The following TAGAP variants were observed in gnomAD, a reference collection of about 807,000 sequenced individuals.
TAGAP encodes the protein T cell activation RhoGTPase activating protein, also known as T-cell activation Rho GTPase-activating protein.
In TAGAP, 16 loss-of-function variants were observed where a neutral mutation model predicts 36.0. That is an observed-to-expected ratio of 0.44 (90% confidence interval 0.30 to 0.68). The LOEUF (loss-of-function observed/expected upper bound fraction) is 0.68, where lower values mean the gene tolerates loss of function less well. Ranked by LOEUF, TAGAP falls within the 30% of genes least tolerant of loss-of-function variation. TAGAP has a pLI of 0.09. For synonymous variants in TAGAP, 372 were observed against 377.4 expected (o/e 0.99, Z 0.17); for missense variants, 794 against 921.5 (o/e 0.86, Z 1.79).
In TAGAP at chr6:159,039,270, G is replaced by A. The variant is rs775936473; in HGVS notation, c.627C>T (p.Leu209=). The part of the protein sequence containing the change: ...DKLPRPNLLL[L]KHLVYVLHLI... ...GGTGCAGCACATAGACCAAGTGCTT[G>A]AGTAGCAGGAGGTTGGGCCGGGGGA... Residue 209 remains leucine, a synonymous_variant, in exon 8 of 10, where the codon CTC becomes CTT. Coordinates refer to ENST00000367066, the MANE Select transcript of TAGAP (RefSeq NM_054114.5). 3.7e-6 allele frequency: 6 copies of A among 1,613,824 alleles called. No individual in the cohort carries two copies. The highest frequency in any genetic ancestry group is 3.3e-5 in the Admixed American group (2 of 60,034).
In TAGAP at chr6:159,035,050, A is replaced by G. The variant is rs1278314629; in HGVS notation, c.*777T>C. 1 of 152,372 alleles carries G rather than the reference A, an allele frequency of 6.6e-6. No individual in the cohort carries two copies. The highest frequency in any genetic ancestry group is 1.9e-4 in the East Asian group (1 of 5,344). 9.4% of individuals were successfully genotyped at this position (152,372 alleles called of 1,614,324 possible). A position where few individuals can be genotyped will look rare whatever the true frequency, so the allele number is the denominator to read the frequency against. On this transcript the variant is annotated 3_prime_UTR_variant, in exon 10 of 10. Coordinates refer to ENST00000367066, the MANE Select transcript of TAGAP (RefSeq NM_054114.5). Reference sequence around the variant, plus strand: ...TAGTGAAATTACATTGAAGTTTTATATATGACCCCCAATGCATATAAAATC... The same window carrying G: ...TAGTGAAATTACATTGAAGTTTTATGTATGACCCCCAATGCATATAAAATC...
At chr6:159,040,369 C>G (rs952455585) in intron 7 of TAGAP, among the ~76,000 whole-genome samples, 4 of 152,160 alleles carry the variant, frequency 2.6e-5, no homozygotes, top group African/African-American at 9.7e-5. Context: ...TAAAGATAAT[C>G]CCGAATTTCT....
chr6:159,044,172 G>T lies in TAGAP; in HGVS notation c.-26C>A, dbSNP rs760824468. The T allele has an allele frequency of 1.5e-5, 24 of 1,609,818 alleles. No individual in the cohort carries two copies. Among genetic ancestry groups the T allele is most frequent in the Non-Finnish European group, 1.8e-5 (21 of 1,179,048 alleles). On this transcript the variant is annotated 5_prime_UTR_variant, in exon 2 of 10. Transcript: ENST00000367066. ...CAGTATTGCGGCTGACTGTCCAGGGGTGGATTTCACTCCCGTGTGGCTGTG... is the reference window on the plus strand; with the variant it reads ...CAGTATTGCGGCTGACTGTCCAGGGTTGGATTTCACTCCCGTGTGGCTGTG...
intron 5 of TAGAP, 70 bp downstream of exon 5, chr6:159,042,008 T>G: frequency 6.6e-7 from 1 of 1,516,006 alleles, no homozygotes; most frequent in Non-Finnish European, 9.0e-7. Flanking sequence ...AGAATGACAT[T>G]CAGATTTCCC....
Position 159,036,737 on chromosome 6 carries a change from G to T in TAGAP, c.1286C>A (p.Ala429Glu), listed in dbSNP as rs1305542871. ...CGGCCTCTTGGTTTTGCCTTGCACT[G>T]CAGGGAAGACCTCCTCTGGAAATGG... ...EDPFPEEVFPAVQGKTKRPVD... is the reference protein window; with the variant it reads ...EDPFPEEVFPEVQGKTKRPVD... The change falls in exon 10 of 10, where the codon GCA (alanine) becomes GAA (glutamate). Residue 429 changes from alanine (A) to glutamate (E), a missense_variant. Coordinates refer to ENST00000367066, the MANE Select transcript of TAGAP (RefSeq NM_054114.5). The surrounding 1 kb of genome is among the most constrained non-coding windows in gnomAD (Gnocchi z 4.9). The T allele has an allele frequency of 1.2e-6, 2 of 1,614,188 alleles. No homozygotes were observed. The highest frequency in any genetic ancestry group is 2.2e-5 in the East Asian group (1 of 44,876).
Position 159,036,885 on chromosome 6 carries a change from T to C in TAGAP, c.1138A>G (p.Ser380Gly). 1 of 1,614,226 alleles carries C rather than the reference T, an allele frequency of 6.2e-7. No individual in the cohort carries two copies. The change falls in exon 10 of 10, where the codon AGC (serine) becomes GGC (glycine). Residue 380 changes from serine (S) to glycine (G), a missense_variant. By Grantham distance (56) the Ser-to-Gly change is moderately conservative (BLOSUM62 0). Transcript: ENST00000367066. This position sits in a 1 kb window ranked among gnomAD's most constrained non-coding sequence, Gnocchi z 4.9. Reference sequence around the variant, plus strand: ...AGGCACTCCTGGGAGGATGGCATGCTGGGCTCTGAGTATCTCCTATCGGGC... The same window carrying C: ...AGGCACTCCTGGGAGGATGGCATGCCGGGCTCTGAGTATCTCCTATCGGGC... ...AQPDRRYSEPSMPSSQECLES... is the reference protein window; with the variant it reads ...AQPDRRYSEPGMPSSQECLES...
Position 159,035,993 on chromosome 6 carries a change from C to T in TAGAP, c.2030G>A (p.Gly677Glu). 6.2e-7 allele frequency: 1 copy of T among 1,614,002 alleles called. No individual in the cohort carries two copies. Among genetic ancestry groups the T allele is most frequent in the Non-Finnish European group, 8.5e-7 (1 of 1,179,888 alleles). Residue 677 changes from glycine (G) to glutamate (E), a missense_variant, in exon 10 of 10, where the codon GGG becomes GAG. Physicochemically the swap from Gly to Glu is moderately conservative, Grantham distance 98 (BLOSUM62 -2). Coordinates refer to ENST00000367066, the MANE Select transcript of TAGAP (RefSeq NM_054114.5). ...WKQSRTVHAS[G>E]DSLGHVSGPG... is the part of the protein sequence containing the mutation. Reference sequence around the variant, plus strand: ...GCCAGACACGTGCCCCAGAGAGTCCCCAGAAGCATGGACAGTTCTGCTCTG... The same window carrying T: ...GCCAGACACGTGCCCCAGAGAGTCCTCAGAAGCATGGACAGTTCTGCTCTG...
chr6:159,042,464 T>C, intron 4 of TAGAP: 2 of 960,176 alleles, frequency 2.1e-6, no homozygotes, highest in South Asian at 2.2e-5. Context: ...ACCAGTTCCC[T>C]AAACAGCAAC....
chr6:159,036,899 C>T lies in TAGAP; in HGVS notation c.1124G>A (p.Arg375Lys), dbSNP rs1410586126. 6.2e-7 allele frequency: 1 copy of T among 1,614,218 alleles called. No homozygotes were observed. Among genetic ancestry groups the T allele is most frequent in the South Asian group, 1.1e-5 (1 of 91,086 alleles). The change falls in exon 10 of 10, where the codon AGA (arginine) becomes AAA (lysine). Residue 375 changes from arginine to lysine, a missense_variant. Coordinates refer to ENST00000367066, the MANE Select transcript of TAGAP (RefSeq NM_054114.5). This position sits in a 1 kb window ranked among gnomAD's most constrained non-coding sequence, Gnocchi z 4.9. ...LKSSLAQPDR[R>K]YSEPSMPSSQ... ...GGATGGCATGCTGGGCTCTGAGTAT[C>T]TCCTATCGGGCTGTGCGAGGGAGCT... is the stretch of plus-strand genomic sequence containing the variant.
At chr6:159,043,357 A>G (rs569276524) in intron 4 of TAGAP, among the ~76,000 whole-genome samples, 1 of 152,344 alleles carries the variant, frequency 6.6e-6, no homozygotes, top group Non-Finnish European at 1.5e-5. Flanking sequence ...ACCGCATTAA[A>G]AACGCTTGGC....
chr6:159,036,968 T>C lies in TAGAP; in HGVS notation c.1055A>G (p.Glu352Gly). The C allele has an allele frequency of 6.2e-7, 1 of 1,613,744 alleles. No homozygotes were observed. Among genetic ancestry groups the C allele is most frequent in the South Asian group, 1.1e-5 (1 of 91,062 alleles). Residue 352 changes from glutamate (E) to glycine (G), a missense_variant, in exon 10 of 10, where the codon GAG becomes GGG. Coordinates refer to ENST00000367066, the MANE Select transcript of TAGAP (RefSeq NM_054114.5). The surrounding 1 kb of genome is among the most constrained non-coding windows in gnomAD (Gnocchi z 4.9). ...LDSAGPQDAR[E>G]VSPEPIVSTV... ...GCTCACAATGGGCTCTGGGCTGACCTCTCGGGCATCCTGTGGGCCCGCGCT... is the reference window on the plus strand; with the variant it reads ...GCTCACAATGGGCTCTGGGCTGACCCCTCGGGCATCCTGTGGGCCCGCGCT...
chr6:159,039,946 C>T (rs2235821), intron 7 of TAGAP, among the ~76,000 whole-genome samples: 20,494 of 152,152 alleles, frequency 0.13, 1,964 homozygotes, highest in East Asian at 0.41. Flanking sequence ...ATAAAAATGC[C>T]TTATGTCTAG....
chr6:159,038,633 G>A (rs914742743), intron 8 of TAGAP, among the ~76,000 whole-genome samples: 3 of 151,892 alleles, frequency 2.0e-5, no homozygotes, highest in East Asian at 1.9e-4. Flanking sequence ...CAGGCAATTC[G>A]CCTGCCTCGG....
Position 159,039,321 on chromosome 6 carries a change from T to G in TAGAP, c.588-12A>C, listed in dbSNP as rs1359181316. 2.5e-6 allele frequency: 4 copies of G among 1,608,274 alleles called. No individual in the cohort carries two copies. The highest frequency in any genetic ancestry group is 3.4e-6 in the Non-Finnish European group (4 of 1,176,536). On this transcript the variant is annotated splice_polypyrimidine_tract_variant and intron_variant, in intron 7 of 9. Coordinates refer to ENST00000367066, the MANE Select transcript of TAGAP (RefSeq NM_054114.5). ...GCTTATCTGCAACCCTGGAATAAAG[T>G]GAAGGGATGTTAGTTTTCAAAAAGG...
At position 159,036,214 on chromosome 6, in the gene TAGAP, C is replaced by T. The variant is rs201417657; in HGVS notation, c.1809G>A (p.Pro603=). The T allele has an allele frequency of 2.5e-6, 4 of 1,610,658 alleles. No homozygotes were observed. Among genetic ancestry groups the T allele is most frequent in the East Asian group, 2.2e-5 (1 of 44,798 alleles). The change falls in exon 10 of 10, where the codon CCG becomes CCA. Residue 603 remains proline, a synonymous_variant. Coordinates refer to ENST00000367066, the MANE Select transcript of TAGAP (RefSeq NM_054114.5). The surrounding 1 kb of genome is among the most constrained non-coding windows in gnomAD (Gnocchi z 4.9). ...PPSYEEAMQG[P]AARLVASESQ... is the part of the protein sequence containing the mutation. Reference sequence around the variant, plus strand: ...TCTCGGAGGCCACTAGTCTGGCTGCCGGGCCCTGCATGGCCTCTTCATAAG... The same window carrying T: ...TCTCGGAGGCCACTAGTCTGGCTGCTGGGCCCTGCATGGCCTCTTCATAAG...
Position 159,043,832 on chromosome 6 carries a change from C to A in TAGAP, c.81+146G>T, listed in dbSNP as rs1308970171. ...GGTCTTGATTGTCATCATATAAGAT[C>A]CTAATTAATGTGCTTAATTTACTAC... On this transcript the variant is annotated intron_variant, in intron 3 of 9. Coordinates refer to ENST00000367066, the MANE Select transcript of TAGAP (RefSeq NM_054114.5). The A allele has an allele frequency of 3.1e-6, 3 of 973,268 alleles. No homozygotes were observed. The East Asian group carries it at 7.2e-5, about 23-fold the overall frequency. The allele number at this position is 973,268 out of a possible 1,614,324, so 60.3% of individuals were successfully genotyped here.
Position 159,041,388 on chromosome 6 carries a change from C to A in TAGAP, c.443G>T (p.Arg148Met). Residue 148 changes from arginine (R) to methionine (M), a missense_variant, in exon 6 of 10, where the codon AGG becomes ATG. Physicochemically the swap from Arg to Met is moderately conservative, Grantham distance 91. Transcript: ENST00000367066. The surrounding 1 kb of genome is among the most constrained non-coding windows in gnomAD (Gnocchi z 4.1). ...LNSGDAVDLERLPVHLLAVVF... is the reference protein window; with the variant it reads ...LNSGDAVDLEMLPVHLLAVVF... ...CACAGCGAGGAGGTGCACGGGGAGCCTCTCCAGATCCACCGCATCCCCAGA... is the reference window on the plus strand; with the variant it reads ...CACAGCGAGGAGGTGCACGGGGAGCATCTCCAGATCCACCGCATCCCCAGA... 6.2e-7 allele frequency: 1 copy of A among 1,614,118 alleles called. No individual in the cohort carries two copies. The highest frequency in any genetic ancestry group is 1.3e-5 in the African/African-American group (1 of 75,024).
intron 7 of TAGAP, among the ~76,000 whole-genome samples, chr6:159,040,031 T>A (rs1779691611): frequency 6.6e-6 from 1 of 152,254 alleles, no homozygotes; most frequent in African/African-American, 2.4e-5. Flanking sequence ...TCTATACATA[T>A]GTCATTGAAA....
rs1431588789 is a variant in TAGAP, at chr6:159,041,328, A to T, written c.477+26T>A. On this transcript the variant is annotated intron_variant, in intron 6 of 9. Transcript: ENST00000367066. This position sits in a 1 kb window ranked among gnomAD's most constrained non-coding sequence, Gnocchi z 4.1. ...GTGTGTCAGGGCCCCTTGGCAGGTTATTTGGCGCAAGTGTGTTGAACTCAC... is the reference window on the plus strand; with the variant it reads ...GTGTGTCAGGGCCCCTTGGCAGGTTTTTTGGCGCAAGTGTGTTGAACTCAC... 6.8e-6 allele frequency: 11 copies of T among 1,608,942 alleles called. No homozygotes were observed. The highest frequency in any genetic ancestry group is 8.5e-6 in the Non-Finnish European group (10 of 1,177,778).
Sources: allele counts gnomAD v4.1 joint callset (sites outside exome capture counted in the v4.1 genomes callset), GRCh38; gene constraint gnomAD v4.1.1; non-coding constraint Gnocchi (gnomAD v3.1); transcripts MANE v1.5; gene names NCBI Gene and HGNC (gene_info 2026-07-23, HGNC 2026-07-21).